LUZP1: variants seen among roughly 807,000 people sequenced by gnomAD.
LUZP1 encodes filamin mechanobinding actin cross-linking protein.
Under a neutral mutation model 71.3 loss-of-function variants are expected in LUZP1, and 25 were observed. The ratio of observed to expected loss-of-function variants is 0.35; its 90% confidence interval spans 0.26 to 0.49. The LOEUF (loss-of-function observed/expected upper bound fraction) is 0.49, where lower values mean the gene tolerates loss of function less well. Ranked by LOEUF, LUZP1 falls within the 20% of genes least tolerant of loss-of-function variation. LUZP1 has a pLI of 0.99. For missense variants in LUZP1, 1,142 were observed against 1,300.8 expected, an observed-to-expected ratio of 0.88 and a Z score of 1.88; for synonymous variants, 481 against 506.4, an observed-to-expected ratio of 0.95 and a Z score of 0.67.
At position 23,163,326 on chromosome 1, in the gene LUZP1, C is replaced by T. The variant is rs370533010; in HGVS notation, c.-226+5440G>A. On this transcript the variant is annotated intron_variant, in intron 2 of 4. Transcript: ENST00000302291. ...CTCTGGGAGGCCAAGGTGGGAGAAT[C>T]GCTTGAGCCCAGGAGTTCAAGACCA... Among the ~76,000 whole-genome samples the T allele has an allele frequency of 2.5e-4, 37 of 148,766 alleles. 2 individuals are homozygous for T. In the East Asian group the frequency reaches 7.4e-3, roughly 30 times the overall value.
At chr1:23,091,716 T>A in exon 4 of LUZP1, 2 of 1,614,076 alleles carry the variant, frequency 1.2e-6, no homozygotes, top group Non-Finnish European at 1.7e-6. Context: ...GGTGATGTCA[T>A]GTTTGTGAAT....
intron 3 of LUZP1, among the ~76,000 whole-genome samples, chr1:23,108,362 A>C (rs1339343125): frequency 6.6e-6 from 1 of 152,204 alleles, no homozygotes; most frequent in Non-Finnish European, 1.5e-5. Flanking sequence ...TAATCCCAGC[A>C]CTTTGGGAGA....
intron 2 of LUZP1, among the ~76,000 whole-genome samples, chr1:23,113,097 G>A (rs906535398): frequency 6.6e-6 from 1 of 152,156 alleles, no homozygotes; most frequent in East Asian, 1.9e-4. Context: ...ATTACATAAA[G>A]AACTAGAAAA....
intron 2 of LUZP1, among the ~76,000 whole-genome samples, chr1:23,129,453 T>C (rs929255012): frequency 6.6e-6 from 1 of 152,156 alleles, no homozygotes; most frequent in Non-Finnish European, 1.5e-5. Context: ...TGGAGGCGCA[T>C]GCCTGTAATC....
At chr1:23,112,471 G>A (rs565103978) in intron 2 of LUZP1, among the ~76,000 whole-genome samples, 2 of 152,232 alleles carry the variant, frequency 1.3e-5, no homozygotes, top group Non-Finnish European at 2.9e-5. Flanking sequence ...AGAGAGGAAA[G>A]GAGACTTGCC....
At chr1:23,117,510 G>GT in intron 2 of LUZP1, among the ~76,000 whole-genome samples, 1 of 69,120 alleles carries the variant, frequency 1.4e-5, no homozygotes, top group East Asian at 4.2e-4. Context: ...GAAGCCCTGG[G>GT]GGGGGGGGCG....
chr1:23,115,822 G>A (rs1038823416), intron 2 of LUZP1, among the ~76,000 whole-genome samples: 10 of 152,142 alleles, frequency 6.6e-5, no homozygotes, highest in Admixed American at 2.6e-4. Context: ...GATTACAGGC[G>A]TGAACCACCA....
chr1:23,161,280 G>A (rs1420821372), intron 2 of LUZP1, among the ~76,000 whole-genome samples: 1 of 152,160 alleles, frequency 6.6e-6, no homozygotes, highest in African/African-American at 2.4e-5. Context: ...ATGAAAGGAG[G>A]CAACAGAAGC....
intron 2 of LUZP1, among the ~76,000 whole-genome samples, chr1:23,168,331 C>T (rs1303632568): frequency 1.4e-5 from 2 of 139,080 alleles, no homozygotes; most frequent in Non-Finnish European, 3.1e-5. Context: ...GCCGCCTCGT[C>T]GCCCCCCGCC....
At chr1:23,095,192 G>GT (rs1350979788) in intron 3 of LUZP1, among the ~76,000 whole-genome samples, 12 of 152,138 alleles carry the variant, frequency 7.9e-5, no homozygotes, top group Non-Finnish European at 1.5e-5. Context: ...GGAAGGTTTA[G>GT]TTTTTTTATG....
At chr1:23,143,754 T>C (rs750436446) in intron 2 of LUZP1, among the ~76,000 whole-genome samples, 4 of 152,222 alleles carry the variant, frequency 2.6e-5, no homozygotes. Context: ...TTCTGTTAGG[T>C]GTTACAAATT....
chr1:23,104,610 A>ATCTG (rs1643964861), intron 3 of LUZP1, among the ~76,000 whole-genome samples: 1 of 152,226 alleles, frequency 6.6e-6, no homozygotes, highest in African/African-American at 2.4e-5. Context: ...TACTTAAAAT[A>ATCTG]TCTGTCATCC....
At chr1:23,144,849 T>C (rs2124715558) in intron 2 of LUZP1, among the ~76,000 whole-genome samples, 1 of 152,278 alleles carries the variant, frequency 6.6e-6, no homozygotes, top group East Asian at 1.9e-4. Context: ...TAAGGAATGT[T>C]TTAAATTGTA....
intron 2 of LUZP1, among the ~76,000 whole-genome samples, chr1:23,122,094 T>TA (rs1644134843): frequency 6.6e-6 from 1 of 152,162 alleles, no homozygotes; most frequent in South Asian, 2.1e-4. Context: ...GTAACATTTA[T>TA]AAAATCAACA....
At chr1:23,091,564 T>C (rs142090761) in exon 4 of LUZP1, 1 of 1,614,204 alleles carries the variant, frequency 6.2e-7, no homozygotes, top group African/African-American at 1.3e-5. Context: ...CTTTTCCACC[T>C]GATTGTCTCC....
intron 1 of LUZP1, among the ~76,000 whole-genome samples, chr1:23,176,877 GGTTTTTT>G (rs77481155): frequency 0.15 from 21,980 of 151,554 alleles, 1,943 homozygotes; most frequent in South Asian, 0.32. Flanking sequence ...AATTTTGGGG[GGTTTTTT>G]GTTTTTTGTT....
chr1:23,106,947 A>AGGTGTCACATGGCTGT (rs1643987202), intron 3 of LUZP1, among the ~76,000 whole-genome samples: 1 of 152,222 alleles, frequency 6.6e-6, no homozygotes, highest in Non-Finnish European at 1.5e-5. Flanking sequence ...TGCACTCCAA[A>AGGTGTCACATGGCTGT]GGTGTCACAT....
chr1:23,095,385 G>A (rs1243503486), intron 3 of LUZP1, among the ~76,000 whole-genome samples: 1 of 152,136 alleles, frequency 6.6e-6, no homozygotes, highest in East Asian at 1.9e-4. Flanking sequence ...TGAATAAAAT[G>A]TAACAATCAC....
At chr1:23,142,700 TACACACACACACACACACAC>T (rs60316911) in intron 2 of LUZP1, among the ~76,000 whole-genome samples, 17 of 104,382 alleles carry the variant, frequency 1.6e-4, no homozygotes, top group East Asian at 7.3e-4. Context: ...TATATATATA[TACACACACACACACACACAC>T]ACACACACAC....
Sources: allele counts gnomAD v4.1 joint callset (sites outside exome capture counted in the v4.1 genomes callset), GRCh38; gene constraint gnomAD v4.1.1; transcripts MANE v1.5; gene names NCBI Gene and HGNC (gene_info 2026-07-23, HGNC 2026-07-21).